ALMS1: variants seen among roughly 807,000 people sequenced by gnomAD.
ALMS1 encodes the protein centrosome-associated protein ALMS1.
A neutral mutation model predicts 352.2 loss-of-function variants in ALMS1; 271 were observed. That is an observed-to-expected ratio of 0.77 (90% CI 0.70 to 0.85). The LOEUF is 0.85. Among genes scored for constraint, ALMS1 ranks in the 40% least tolerant of loss-of-function variants. The probability of loss-of-function intolerance (pLI) is 0.00; values close to 1 mark genes in which losing one functional copy is unlikely to be tolerated. For missense variants in ALMS1, 5,445 were observed against 4,870.7 expected, an observed-to-expected ratio of 1.12 and a Z score of -3.51; for synonymous variants, 1,865 against 1,761.2, an observed-to-expected ratio of 1.06 and a Z score of -1.48.
At chr2:73,426,633 AT>A in intron 6 of ALMS1, 80 bp downstream of exon 6, 1 of 1,448,674 alleles carries the variant, frequency 6.9e-7, no homozygotes, top group East Asian at 2.3e-5. Flanking sequence ...GTTTGTTTTT[AT>A]TTTACTTTTT....
chr2:73,474,784 A>G (rs545729443), intron 9 of ALMS1, among the ~76,000 whole-genome samples: 1 of 152,270 alleles, frequency 6.6e-6, no homozygotes, highest in South Asian at 2.1e-4. Context: ...ATTTCATAAC[A>G]TCTTTATCTC....
Position 73,470,130 on chromosome 2 carries a change from TTTTACCTTTTCAAA to T in ALMS1, c.7674+14836_7674+14849del, listed in dbSNP as rs1375903075. The T allele has an allele frequency of 5.3e-5, 8 of 151,926 alleles. No individual in the cohort carries two copies. In the East Asian group the frequency reaches 9.7e-4, roughly 18 times the overall value. 9.4% of individuals were successfully genotyped at this position (151,926 alleles called of 1,614,324 possible). A position where few individuals can be genotyped will look rare whatever the true frequency, so the allele number is the denominator to read the frequency against. On this transcript the variant is annotated intron_variant, in intron 9 of 22. Transcript: ENST00000613296. ...CTAGCTAAATGTTTGTTAACATTGT[TTTTACCTTTTCAAA>T]AACTAACAATTTAGTTGATTTCTTC... is the stretch of plus-strand genomic sequence containing the variant.
rs765651382 is a variant in ALMS1 at position 73,601,285 on chromosome 2, T to C, written c.11963T>C (p.Phe3988Ser). ...ACTTGTGGCCCTGGCATCTCCTGGT[T>C]TGAACCAATAACCAAGACCAGACCC... ...PNTCGPGISW[F>S]EPITKTRPWR... Residue 3988 changes from phenylalanine to serine, a missense_variant, in exon 19 of 23, where the codon TTT becomes TCT. Transcript: ENST00000613296. The C allele has an allele frequency of 1.5e-4, 249 of 1,614,070 alleles. No homozygotes were observed. The highest frequency in any genetic ancestry group is 2.1e-4 in the Non-Finnish European group (242 of 1,180,034).
At position 73,439,785 on chromosome 2, in the gene ALMS1, C is replaced by T. The variant is rs187216364; in HGVS notation, c.1432+7494C>T. ...GCATCTCTTGACCTTGTGATCCACCCGCCTTGGCCTCCCAAAGTGCTGGGA... is the reference window on the plus strand; with the variant it reads ...GCATCTCTTGACCTTGTGATCCACCTGCCTTGGCCTCCCAAAGTGCTGGGA... On this transcript the variant is annotated intron_variant, in intron 7 of 22. Transcript: ENST00000613296. Among the ~76,000 whole-genome samples the T allele has an allele frequency of 6.7e-3, 1,019 of 152,072 alleles. 41 individuals are homozygous for T. Among genetic ancestry groups the T allele is most frequent in the Admixed American group, 0.056 (850 of 15,270 alleles).
chr2:73,546,701 A>G (rs1054620987), intron 12 of ALMS1, among the ~76,000 whole-genome samples: 1 of 152,226 alleles, frequency 6.6e-6, no homozygotes, highest in Non-Finnish European at 1.5e-5. Flanking sequence ...TGAATTAGGT[A>G]GGCAGAGAGT....
chr2:73,412,498 A>G (rs1412861630), intron 2 of ALMS1, among the ~76,000 whole-genome samples: 1 of 152,116 alleles, frequency 6.6e-6, no homozygotes, highest in Non-Finnish European at 1.5e-5. Context: ...CTTGGCAAAT[A>G]CCTAGGAATG....
chr2:73,569,501 G>C (rs896979884), intron 15 of ALMS1, among the ~76,000 whole-genome samples: 1 of 151,882 alleles, frequency 6.6e-6, no homozygotes. Context: ...GCTTTATTCT[G>C]TTGCCAAGGT....
intron 6 of ALMS1, among the ~76,000 whole-genome samples, chr2:73,429,684 C>T (rs1671462471): frequency 6.6e-6 from 1 of 152,144 alleles, no homozygotes; most frequent in African/African-American, 2.4e-5. Context: ...TATCCCCCCA[C>T]CTTTGGAGAC....
At chr2:73,563,461 G>T (rs1399504345) in intron 15 of ALMS1, among the ~76,000 whole-genome samples, 1 of 152,022 alleles carries the variant, frequency 6.6e-6, no homozygotes. Context: ...GGTGGCTCAC[G>T]CCTGTAATTC....
At chr2:73,540,350 A>C (rs968167256) in intron 12 of ALMS1, among the ~76,000 whole-genome samples, 10 of 152,214 alleles carry the variant, frequency 6.6e-5, no homozygotes, top group African/African-American at 2.4e-4. Flanking sequence ...GGCCTGCCCT[A>C]AAAGAGCTCC....
intron 6 of ALMS1, among the ~76,000 whole-genome samples, chr2:73,430,827 G>C (rs1671485229): frequency 6.6e-6 from 1 of 152,020 alleles, no homozygotes; most frequent in Non-Finnish European, 1.5e-5. Context: ...AAAATTGCCT[G>C]ACAGCACATT....
At position 73,448,559 on chromosome 2, in the gene ALMS1, T is replaced by C; in HGVS notation, c.2032T>C (p.Phe678Leu). ...CTCACATGTAGAGGACCTCCTCTTT[T>C]TCTATCGACAGACCTTGCCAGATGG... Reference protein sequence around the residue: ...SHSHVEDLLFFYRQTLPDGHL... With the variant: ...SHSHVEDLLFLYRQTLPDGHL... The change falls in exon 8 of 23, where the codon TTC (phenylalanine) becomes CTC (leucine). Residue 678 changes from phenylalanine to leucine, a missense_variant. Phe to Leu is a conservative substitution (Grantham distance 22). Transcript: ENST00000613296. The C allele has an allele frequency of 1.2e-6, 2 of 1,613,808 alleles. No homozygotes were observed. Among genetic ancestry groups the C allele is most frequent in the Non-Finnish European group, 1.7e-6 (2 of 1,179,882 alleles).
chr2:73,490,890 T>A lies in ALMS1; in HGVS notation c.8931T>A (p.Asp2977Glu). The part of the protein sequence containing the change: ...EQCQSKAPGV[D>E]DQMNKHHFPL... Reference sequence around the variant, plus strand: ...GCCAAAGCAAAGCGCCAGGTGTAGATGACCAAATGAATAAACACCATTTTC... The same window carrying A: ...GCCAAAGCAAAGCGCCAGGTGTAGAAGACCAAATGAATAAACACCATTTTC... The change falls in exon 10 of 23, where the codon GAT (aspartate) becomes GAA (glutamate). Residue 2977 changes from aspartate (D) to glutamate (E), a missense_variant. Asp to Glu is a conservative substitution (Grantham distance 45). Transcript: ENST00000613296. 6.2e-7 allele frequency: 1 copy of A among 1,614,128 alleles called. No homozygotes were observed. Among genetic ancestry groups the A allele is most frequent in the Non-Finnish European group, 8.5e-7 (1 of 1,180,036 alleles).
At chr2:73,423,042 T>A in intron 4 of ALMS1, 68 bp downstream of exon 4, 1 of 1,403,138 alleles carries the variant, frequency 7.1e-7, no homozygotes. Flanking sequence ...TATTAGTGAC[T>A]TCAGGCTAAG....
rs569895955 is a variant in ALMS1 at position 73,461,831 on chromosome 2, G to A, written c.7674+6536G>A. Among the ~76,000 whole-genome samples the A allele has an allele frequency of 2.3e-4, 35 of 152,120 alleles. No homozygotes were observed. In the South Asian group the frequency reaches 6.6e-3, roughly 29 times the overall value. ...ATGCAGAAGCCTCAGGAGCTGATGC[G>A]ATCAACTGGAAGAAAGGGTATCAGT... On this transcript the variant is annotated intron_variant, in intron 9 of 22. Transcript: ENST00000613296.
intron 10 of ALMS1, among the ~76,000 whole-genome samples, chr2:73,491,846 A>G (rs1672994930): frequency 6.6e-6 from 1 of 152,332 alleles, no homozygotes; most frequent in South Asian, 2.1e-4. Flanking sequence ...TTGCACACAC[A>G]TACATGGGTG....
Position 73,424,624 on chromosome 2 carries a change from A to G in ALMS1, c.959A>G (p.Asn320Ser). The change falls in exon 5 of 23, where the codon AAT becomes AGT. Residue 320 changes from asparagine to serine, a missense_variant. Asn to Ser is a conservative substitution (Grantham distance 46). Transcript: ENST00000613296. ...TTTTTACCTTCTGAACAAGGGAATAATGAAGAGACTATTTCGTCTGTTGAT... is the reference window on the plus strand; with the variant it reads ...TTTTTACCTTCTGAACAAGGGAATAGTGAAGAGACTATTTCGTCTGTTGAT... Reference protein sequence around the residue: ...CPFLPSEQGNNEETISSVDEL... With the variant: ...CPFLPSEQGNSEETISSVDEL... 6.2e-7 allele frequency: 1 copy of G among 1,614,044 alleles called. No individual in the cohort carries two copies. The highest frequency in any genetic ancestry group is 2.2e-5 in the East Asian group (1 of 44,860).
At chr2:73,599,558 A>C in intron 17 of ALMS1, 37 bp downstream of exon 17, 2 of 1,601,350 alleles carry the variant, frequency 1.2e-6, no homozygotes, top group Non-Finnish European at 1.7e-6. Context: ...ATTGAAATAC[A>C]TTGAAATGGC....
intron 9 of ALMS1, chr2:73,458,504 A>G (rs1257814919): frequency 6.6e-6 from 1 of 152,254 alleles, no homozygotes; most frequent in African/African-American, 2.4e-5. Flanking sequence ...ACATTAAGGA[A>G]GAGTATATGA....
Sources: allele counts gnomAD v4.1 joint callset (sites outside exome capture counted in the v4.1 genomes callset), GRCh38; gene constraint gnomAD v4.1.1; transcripts MANE v1.5; gene names NCBI Gene and HGNC (gene_info 2026-07-23, HGNC 2026-07-21).